EXOC2: variants seen among roughly 807,000 people sequenced by gnomAD.
The protein encoded by EXOC2 is exocyst complex component 2, also known as SEC5-like 1.
In EXOC2, 70 loss-of-function variants were observed where a neutral mutation model predicts 131.8. The ratio of observed to expected loss-of-function variants is 0.53; its 90% CI spans 0.44 to 0.65. The LOEUF is 0.65. Ranked by LOEUF, EXOC2 falls within the 30% of genes least tolerant of loss-of-function variation. The pLI is 0.00. For missense variants in EXOC2, 923 were observed against 1,108.6 expected (o/e 0.83, Z 2.38); for synonymous variants, 411 against 398.4 (o/e 1.03, Z -0.38).
At chr6:503,945 CT>C (rs1764378424) in intron 23 of EXOC2, among the ~76,000 whole-genome samples, 1 of 152,198 alleles carries the variant, frequency 6.6e-6, no homozygotes, top group Non-Finnish European at 1.5e-5. Context: ...CTTCCAATTG[CT>C]TGTTTTCTGT....
At chr6:616,936 G>T (rs555271553) in intron 6 of EXOC2, among the ~76,000 whole-genome samples, 1 of 151,828 alleles carries the variant, frequency 6.6e-6, no homozygotes, top group East Asian at 2.0e-4. Flanking sequence ...AGAGGGAGGA[G>T]GGGGACTTTT....
intron 10 of EXOC2, among the ~76,000 whole-genome samples, chr6:593,271 T>C (rs1164218083): frequency 6.6e-6 from 1 of 150,754 alleles, no homozygotes; most frequent in Non-Finnish European, 1.5e-5. Context: ...ACTGGGCAAA[T>C]ACTTTTAAAA....
At chr6:689,679 T>C (rs933725021) in intron 1 of EXOC2, among the ~76,000 whole-genome samples, 1 of 152,252 alleles carries the variant, frequency 6.6e-6, no homozygotes, top group Non-Finnish European at 1.5e-5. Flanking sequence ...TCCAGGCTAA[T>C]ATTATTTGAT....
In EXOC2 at chr6:554,546, G is replaced by A. The variant is rs562032821; in HGVS notation, c.2055-626C>T. On this transcript the variant is annotated intron_variant, in intron 20 of 27. Transcript: ENST00000230449. ...ATTAAAAACTTATTGGGTCTCTAGG[G>A]AGGTGATAGTTTTATATACTGAAAA... Among the ~76,000 whole-genome samples, 3 of 152,216 alleles carry A rather than the reference G, an allele frequency of 2.0e-5. 1 individual carries two copies. The highest frequency in any genetic ancestry group is 7.2e-5 in the African/African-American group (3 of 41,532).
At chr6:618,080 A>C (rs909439851) in intron 5 of EXOC2, among the ~76,000 whole-genome samples, 2 of 152,188 alleles carry the variant, frequency 1.3e-5, no homozygotes, top group Admixed American at 1.3e-4. Flanking sequence ...TGGTAATTCC[A>C]AATACATTAG....
At chr6:545,883 C>T (rs982115353) in intron 22 of EXOC2, among the ~76,000 whole-genome samples, 4 of 152,008 alleles carry the variant, frequency 2.6e-5, no homozygotes, top group Non-Finnish European at 4.4e-5. Context: ...AGCCATAAGA[C>T]ACATTTTACA....
At chr6:656,782 A>G (rs1251463459) in intron 1 of EXOC2, 1 of 1,600,548 alleles carries the variant, frequency 6.2e-7, no homozygotes, top group South Asian at 1.1e-5. Context: ...ACCTCGCACC[A>G]CAGCCTGGCC....
chr6:607,564 G>A (rs563371646), intron 7 of EXOC2, among the ~76,000 whole-genome samples: 17 of 152,178 alleles, frequency 1.1e-4, no homozygotes, highest in African/African-American at 4.1e-4. Context: ...CCAGCCACAC[G>A]GGACTATTTC....
chr6:597,920 TCA>T (rs1350588132), intron 10 of EXOC2, 99 bp downstream of exon 10: 39 of 761,040 alleles, frequency 5.1e-5, no homozygotes, highest in Non-Finnish European at 8.0e-5. Flanking sequence ...CACCATTTCA[TCA>T]ATCTCCTAAA....
intron 13 of EXOC2, among the ~76,000 whole-genome samples, chr6:566,731 G>A (rs547241778): frequency 3.9e-5 from 6 of 152,028 alleles, no homozygotes; most frequent in East Asian, 3.9e-4. Flanking sequence ...GTTTGTTCCC[G>A]TGGCTTCAAA....
chr6:619,361 T>A (rs1761168236), intron 5 of EXOC2, 69 bp downstream of exon 5: 2 of 1,291,516 alleles, frequency 1.5e-6, no homozygotes, highest in East Asian at 2.3e-5. Flanking sequence ...AAAACTCGAG[T>A]TACCGTGTAA....
chr6:642,673 G>A (rs1762408590), intron 1 of EXOC2, among the ~76,000 whole-genome samples: 2 of 151,984 alleles, frequency 1.3e-5, no homozygotes, highest in Admixed American at 6.5e-5. Flanking sequence ...TCTAAATAGA[G>A]GAATTAAAAT....
intron 10 of EXOC2, among the ~76,000 whole-genome samples, chr6:597,103 C>G (rs1759860441): frequency 6.6e-6 from 1 of 152,150 alleles, no homozygotes; most frequent in South Asian, 2.1e-4. Context: ...ACAGCTAGTT[C>G]CCATTATGTG....
intron 7 of EXOC2, among the ~76,000 whole-genome samples, chr6:604,954 C>G (rs1737550): frequency 0.087 from 13,236 of 151,338 alleles, 1,019 homozygotes; most frequent in African/African-American, 0.2. Flanking sequence ...TGTAGCCACA[C>G]CTGAGGACTC....
chr6:568,497 T>C (rs963806275), intron 13 of EXOC2, among the ~76,000 whole-genome samples: 8 of 152,210 alleles, frequency 5.3e-5, no homozygotes, highest in Non-Finnish European at 1.2e-4. Context: ...GTCTCCATAA[T>C]GACATGTGCC....
intron 10 of EXOC2, among the ~76,000 whole-genome samples, chr6:595,812 A>G (rs943634326): frequency 2.0e-5 from 3 of 152,118 alleles, no homozygotes; most frequent in African/African-American, 7.3e-5. Flanking sequence ...TGTCCTGGAC[A>G]CTACGCTCAA....
chr6:581,695 C>T (rs1054576694), intron 11 of EXOC2, among the ~76,000 whole-genome samples: 1 of 151,428 alleles, frequency 6.6e-6, no homozygotes, highest in Non-Finnish European at 1.5e-5. Context: ...TCAAAGAAAA[C>T]ATACATATGT....
At chr6:593,754 T>C (rs1291367372) in intron 10 of EXOC2, among the ~76,000 whole-genome samples, 3 of 152,220 alleles carry the variant, frequency 2.0e-5, no homozygotes, top group Non-Finnish European at 4.4e-5. Context: ...TCATCATCAA[T>C]GGCTCCAGGC....
intron 1 of EXOC2, among the ~76,000 whole-genome samples, chr6:684,722 AAGAC>A (rs1441595251): frequency 4.6e-5 from 7 of 152,356 alleles, no homozygotes; most frequent in Admixed American, 3.9e-4. Flanking sequence ...ACTAGAAAAA[AAGAC>A]AGTAAGTTGT....
Sources: allele counts gnomAD v4.1 joint callset (sites outside exome capture counted in the v4.1 genomes callset), GRCh38; gene constraint gnomAD v4.1.1; transcripts MANE v1.5; gene names NCBI Gene and HGNC (gene_info 2026-07-23, HGNC 2026-07-21).